ERICH5: variants seen among roughly 807,000 people sequenced by gnomAD.
ERICH5 encodes the protein glutamate rich 5.
A neutral mutation model predicts 28.0 loss-of-function variants in ERICH5; 24 were observed. The observed-to-expected ratio is 0.86, with a 90% CI of 0.62 to 1.21. ERICH5 has a LOEUF of 1.21. ERICH5 is among the 50% of genes most tolerant of loss of function. ERICH5 has a pLI of 0.00. For synonymous variants in ERICH5, 163 were observed against 157.6 expected, an observed-to-expected ratio of 1.03 and a Z score of -0.25; for missense variants, 421 against 441.2, an observed-to-expected ratio of 0.95 and a Z score of 0.41.
At chr8:98,077,349 G>A (rs2130518156) in intron 1 of ERICH5, among the ~76,000 whole-genome samples, 1 of 152,264 alleles carries the variant, frequency 6.6e-6, no homozygotes, top group African/African-American at 2.4e-5. Flanking sequence ...TCCTTGTTCA[G>A]TGAGATGGCT....
At chr8:98,089,003 A>G in intron 1 of ERICH5, 73 bp from the exon 2 acceptor site, 1 of 1,151,954 alleles carries the variant, frequency 8.7e-7, no homozygotes, top group Non-Finnish European at 1.2e-6. Flanking sequence ...ATGTCAATTC[A>G]CTTTTCAAGA....
At chr8:98,079,840 A>G (rs1815143104) in intron 1 of ERICH5, among the ~76,000 whole-genome samples, 1 of 152,128 alleles carries the variant, frequency 6.6e-6, no homozygotes, top group Non-Finnish European at 1.5e-5. Flanking sequence ...TGCCCGGCCT[A>G]CTTTTCCATT....
At chr8:98,091,638 G>A (rs1025750881) in intron 2 of ERICH5, among the ~76,000 whole-genome samples, 3 of 152,208 alleles carry the variant, frequency 2.0e-5, no homozygotes, top group Admixed American at 2.0e-4. Flanking sequence ...TAGGGCCAAT[G>A]TTGCCAAAGC....
Position 98,089,469 on chromosome 8 carries a change from C to A in ERICH5, c.452C>A (p.Pro151His). The change falls in exon 2 of 3, where the codon CCT becomes CAT. Residue 151 changes from proline to histidine, a missense_variant. Coordinates refer to ENST00000318528, the MANE Select transcript of ERICH5 (RefSeq NM_173549.3). The part of the protein sequence containing the change: ...ESLKGNAEAQ[P>H]LGPEAKGQPL... Reference sequence around the variant, plus strand: ...CTAAAAGGAAATGCTGAAGCTCAGCCTTTAGGACCAGAAGCCAAGGGTCAG... The same window carrying A: ...CTAAAAGGAAATGCTGAAGCTCAGCATTTAGGACCAGAAGCCAAGGGTCAG... The A allele has an allele frequency of 1.2e-6, 2 of 1,614,204 alleles. No individual in the cohort carries two copies. Among genetic ancestry groups the A allele is most frequent in the Non-Finnish European group, 1.7e-6 (2 of 1,180,040 alleles).
At chr8:98,088,680 C>T (rs1282263698) in intron 1 of ERICH5, among the ~76,000 whole-genome samples, 5 of 152,050 alleles carry the variant, frequency 3.3e-5, no homozygotes, top group African/African-American at 9.7e-5. Context: ...TTGCCCTCCC[C>T]GCCAAAACAA....
chr8:98,087,163 A>G (rs1235602630), intron 1 of ERICH5, among the ~76,000 whole-genome samples: 1 of 152,080 alleles, frequency 6.6e-6, no homozygotes, highest in Non-Finnish European at 1.5e-5. Context: ...GGCAACTCGA[A>G]CCACGTGGGA....
Position 98,064,602 on chromosome 8 carries a change from T to C in ERICH5, c.-68T>C, listed in dbSNP as rs2130501141. On this transcript the variant is annotated 5_prime_UTR_variant, in exon 1 of 3. Transcript: ENST00000318528. ...GAAACTTCCGCGGCTACGGGTGCAGTTGCCTTCGGTTCCCGGTTCCGGGCC... is the reference window on the plus strand; with the variant it reads ...GAAACTTCCGCGGCTACGGGTGCAGCTGCCTTCGGTTCCCGGTTCCGGGCC... 1 of 1,366,804 alleles carries C rather than the reference T, an allele frequency of 7.3e-7. No homozygotes were observed. Among genetic ancestry groups the C allele is most frequent in the Non-Finnish European group, 9.8e-7 (1 of 1,017,250 alleles). 84.7% of individuals were successfully genotyped at this position (1,366,804 alleles called of 1,614,324 possible).
At chr8:98,090,163 A>G in intron 2 of ERICH5, 134 bp downstream of exon 2, 1 of 616,606 alleles carries the variant, frequency 1.6e-6, no homozygotes, top group South Asian at 2.6e-5. Context: ...TGACCAAACC[A>G]AAAAGGCTTC....
chr8:98,087,970 C>G (rs1815310715), intron 1 of ERICH5, among the ~76,000 whole-genome samples: 2 of 151,912 alleles, frequency 1.3e-5, no homozygotes, highest in African/African-American at 4.8e-5. Context: ...CCTATAAATC[C>G]TAGGACTTTG....
At chr8:98,071,402 T>A (rs978807138) in intron 1 of ERICH5, among the ~76,000 whole-genome samples, 1 of 152,238 alleles carries the variant, frequency 6.6e-6, no homozygotes, top group Non-Finnish European at 1.5e-5. Context: ...GTGTGGGGGT[T>A]AATGAAAGTC....
At chr8:98,088,471 C>G (rs563948424) in intron 1 of ERICH5, among the ~76,000 whole-genome samples, 1 of 152,274 alleles carries the variant, frequency 6.6e-6, no homozygotes, top group East Asian at 1.9e-4. Context: ...CACTGTGCCC[C>G]CCAAATGACA....
chr8:98,090,712 C>T (rs532847528), intron 2 of ERICH5, among the ~76,000 whole-genome samples: 16 of 151,904 alleles, frequency 1.1e-4, no homozygotes, highest in Non-Finnish European at 1.9e-4. Context: ...TGTACTATGT[C>T]TTAGCATATG....
At chr8:98,091,579 G>C (rs902453656) in intron 2 of ERICH5, among the ~76,000 whole-genome samples, 5 of 152,222 alleles carry the variant, frequency 3.3e-5, no homozygotes, top group Non-Finnish European at 7.4e-5. Context: ...AAACAGGAGA[G>C]CACAGCCTTG....
At chr8:98,085,028 T>C (rs1006792412) in intron 1 of ERICH5, among the ~76,000 whole-genome samples, 2 of 152,074 alleles carry the variant, frequency 1.3e-5, no homozygotes, top group African/African-American at 4.8e-5. Context: ...TTTTGTCTTC[T>C]TTTACTCAGC....
rs71271196 is a variant in ERICH5, at chr8:98,091,949, C to CTTTCT, written c.1013-1270_1013-1269insTCTTT. On this transcript the variant is annotated intron_variant, in intron 2 of 2. Transcript: ENST00000318528. ...TCTTTCTTTCTTCCTTTCTTTCTTTCTTCTTTCTTTCTTTTTTCTTTCTTT... is the reference window on the plus strand; with the variant it reads ...TCTTTCTTTCTTCCTTTCTTTCTTTCTTTCTTTCTTTCTTTCTTTTTTCTTTCTTT... Among the ~76,000 whole-genome samples the CTTTCT allele has an allele frequency of 1.2e-3, 121 of 101,996 alleles. 3 individuals carry two copies. The highest frequency in any genetic ancestry group is 4.9e-3 in the African/African-American group (113 of 23,098). The allele number at this position is 101,996 out of a possible 152,430, so 66.9% of individuals were successfully genotyped here.
intron 1 of ERICH5, among the ~76,000 whole-genome samples, chr8:98,080,060 C>T (rs28397810): frequency 0.071 from 10,826 of 152,248 alleles, 546 homozygotes; most frequent in African/African-American, 0.13. Flanking sequence ...AGGCCTTCCC[C>T]ACCAACATCA....
intron 1 of ERICH5, among the ~76,000 whole-genome samples, chr8:98,081,002 C>T (rs1473545811): frequency 2.0e-5 from 3 of 152,086 alleles, no homozygotes; most frequent in Non-Finnish European, 2.9e-5. Flanking sequence ...TGTGCCCAGC[C>T]TAATCTTTCT....
chr8:98,074,547 C>T (rs950966787), intron 1 of ERICH5, among the ~76,000 whole-genome samples: 11 of 151,354 alleles, frequency 7.3e-5, no homozygotes, highest in Non-Finnish European at 2.9e-5. Context: ...TACAGCTGTG[C>T]ACCACCATAC....
intron 1 of ERICH5, among the ~76,000 whole-genome samples, chr8:98,087,892 G>T (rs1011110232): frequency 6.6e-6 from 1 of 151,756 alleles, no homozygotes; most frequent in Non-Finnish European, 1.5e-5. Context: ...GAACTTATTA[G>T]ACTTTTAAGT....
Sources: gnomAD v4.1 joint callset for allele counts (sites outside exome capture counted in the v4.1 genomes callset) on GRCh38, gnomAD v4.1.1 for gene constraint, MANE v1.5 for transcripts, NCBI Gene and HGNC (gene_info 2026-07-23, HGNC 2026-07-21) for gene names.